MAD1L1: variants seen among roughly 807,000 people sequenced by gnomAD.
MAD1L1 encodes the protein mitotic spindle assembly checkpoint protein MAD1.
A neutral mutation model predicts 96.9 loss-of-function variants in MAD1L1; 95 were observed. The ratio of observed to expected loss-of-function variants is 0.98; its 90% CI spans 0.83 to 1.16. The LOEUF (loss-of-function observed/expected upper bound fraction) is 1.16. Among genes scored for constraint, MAD1L1 ranks in the 50% most tolerant of loss-of-function variants. The pLI is 0.00. For missense variants in MAD1L1, 1,007 were observed against 954.4 expected, an observed-to-expected ratio of 1.06 and a Z score of -0.73; for synonymous variants, 473 against 396.6, an observed-to-expected ratio of 1.19 and a Z score of -2.29.
At chr7:2,229,855 TG>T in intron 3 of MAD1L1, 128 bp downstream of exon 3, 1 of 1,026,056 alleles carries the variant, frequency 9.7e-7, no homozygotes, top group Non-Finnish European at 1.4e-6. Flanking sequence ...TAGTGAGACC[TG>T]GGAGACGAAT....
intron 14 of MAD1L1, among the ~76,000 whole-genome samples, chr7:1,996,544 T>C (rs534458899): frequency 1.7e-3 from 253 of 152,284 alleles, no homozygotes; most frequent in Non-Finnish European, 3.2e-3. Flanking sequence ...TCAGAATCTG[T>C]CTGTAAAGCA....
intron 10 of MAD1L1, among the ~76,000 whole-genome samples, chr7:2,196,203 G>A (rs1027982199): frequency 3.9e-5 from 6 of 152,206 alleles, no homozygotes. Flanking sequence ...CGAATGAGAC[G>A]CTGATTATCA....
At chr7:1,874,976 C>G (rs117661380) in intron 18 of MAD1L1, among the ~76,000 whole-genome samples, 1 of 152,116 alleles carries the variant, frequency 6.6e-6, no homozygotes, top group Non-Finnish European at 1.5e-5. Context: ...CTGGGAGCTC[C>G]AGGGCAGGCA....
intron 11 of MAD1L1, among the ~76,000 whole-genome samples, chr7:2,084,872 C>A (rs1271017813): frequency 3.9e-5 from 6 of 152,156 alleles, no homozygotes; most frequent in African/African-American, 1.4e-4. Flanking sequence ...GCCTGCGACT[C>A]TGTAGCCTTG....
At chr7:1,838,561 C>G (rs975089306) in intron 18 of MAD1L1, 1 of 353,624 alleles carries the variant, frequency 2.8e-6, no homozygotes, top group Non-Finnish European at 5.9e-6. Context: ...TTACGCTCAG[C>G]GAAAGATGCC....
chr7:2,219,223 G>C (rs781229472), intron 6 of MAD1L1, 109 bp downstream of exon 6: 257 of 1,053,172 alleles, frequency 2.4e-4, no homozygotes, highest in Non-Finnish European at 3.4e-4. Context: ...TGTGAATTAG[G>C]ACAGCATCTG....
intron 17 of MAD1L1, among the ~76,000 whole-genome samples, chr7:1,903,806 C>T (rs1313941132): frequency 6.9e-6 from 1 of 144,340 alleles, no homozygotes; most frequent in Non-Finnish European, 1.5e-5. Flanking sequence ...GACACAGTGG[C>T]CTATGAAAGA....
At chr7:1,994,081 T>C (rs1172552363) in intron 14 of MAD1L1, among the ~76,000 whole-genome samples, 1 of 152,228 alleles carries the variant, frequency 6.6e-6, no homozygotes, top group African/African-American at 2.4e-5. Context: ...TGGCTGCCCC[T>C]GTTCCTCGTC....
At chr7:2,013,761 G>T (rs559310909) in intron 13 of MAD1L1, among the ~76,000 whole-genome samples, 1 of 152,208 alleles carries the variant, frequency 6.6e-6, no homozygotes. Flanking sequence ...GGCTGGGAAC[G>T]GTGTGCTAGG....
rs563600987 is a variant in MAD1L1, at chr7:1,874,565, C to T, written c.1998+23635G>A. On this transcript the variant is annotated intron_variant, in intron 18 of 18. Transcript: ENST00000265854. ...GCTTCCTTAAAAAAAAAAATAAAAG[C>T]GCTGTTGAGTGGCTCTCACCTATCA... 8.3e-4 allele frequency: 378 copies of T among 454,246 alleles called. 2 individuals carry two copies. The highest frequency in any genetic ancestry group is 7.1e-3 in the African/African-American group (357 of 49,934). The allele number at this position is 454,246 out of a possible 1,614,324, so 28.1% of individuals were successfully genotyped here.
chr7:1,928,858 C>G (rs944908136), intron 17 of MAD1L1, among the ~76,000 whole-genome samples: 6 of 152,200 alleles, frequency 3.9e-5, no homozygotes, highest in African/African-American at 1.4e-4. Flanking sequence ...GGTAGCTCTC[C>G]ACAGTGCTTG....
chr7:1,932,924 ATCT>A (rs1196386193), intron 17 of MAD1L1, among the ~76,000 whole-genome samples: 5 of 152,054 alleles, frequency 3.3e-5, no homozygotes, highest in African/African-American at 9.6e-5. Flanking sequence ...TACTTTACAA[ATCT>A]TCTTAGATTT....
At chr7:1,839,741 C>T (rs907822763) in intron 18 of MAD1L1, among the ~76,000 whole-genome samples, 11 of 152,096 alleles carry the variant, frequency 7.2e-5, no homozygotes, top group Admixed American at 3.3e-4. Context: ...ACATCCCCCC[C>T]GCCTCCCCCC....
intron 18 of MAD1L1, chr7:1,849,630 C>CAGCGTCCT (rs1256863842): frequency 6.6e-6 from 1 of 152,228 alleles, no homozygotes; most frequent in African/African-American, 2.4e-5. Context: ...CGGGAAGCGG[C>CAGCGTCCT]AGCGTCCTGG....
chr7:2,217,370 C>G (rs111570216), intron 7 of MAD1L1, among the ~76,000 whole-genome samples: 17 of 152,354 alleles, frequency 1.1e-4, no homozygotes, highest in African/African-American at 4.1e-4. Flanking sequence ...GGCCAGGGAC[C>G]ACCACCAGGA....
chr7:1,938,574 T>C (rs944791795), intron 16 of MAD1L1, among the ~76,000 whole-genome samples: 3 of 151,882 alleles, frequency 2.0e-5, no homozygotes, highest in Admixed American at 6.6e-5. Context: ...ACCAAGGGCA[T>C]GTCAGAAATA....
chr7:1,940,935 C>CG (rs1226713950), intron 16 of MAD1L1, among the ~76,000 whole-genome samples: 8 of 93,862 alleles, frequency 8.5e-5, no homozygotes, highest in Admixed American at 5.3e-4. Context: ...CCCTCCTCCC[C>CG]CAGGCCTCAC....
intron 17 of MAD1L1, among the ~76,000 whole-genome samples, chr7:1,899,070 G>A (rs1396373642): frequency 6.6e-6 from 1 of 152,192 alleles, no homozygotes; most frequent in Non-Finnish European, 1.5e-5. Flanking sequence ...TGAGACGACA[G>A]CCGGCACCCC....
chr7:1,930,746 T>C (rs1789424948), intron 17 of MAD1L1, among the ~76,000 whole-genome samples: 1 of 150,490 alleles, frequency 6.6e-6, no homozygotes, highest in African/African-American at 2.5e-5. Context: ...TGGGACTTGC[T>C]TCCTGGTGGG....
Sources: allele counts gnomAD v4.1 joint callset (sites outside exome capture counted in the v4.1 genomes callset), GRCh38; gene constraint gnomAD v4.1.1; transcripts MANE v1.5; gene names NCBI Gene and HGNC (gene_info 2026-07-23, HGNC 2026-07-21).